The following LMNB1 variants were observed in gnomAD, a reference collection of about 807,000 sequenced individuals.
The protein encoded by LMNB1 is lamin B1.
A neutral mutation model predicts 67.1 loss-of-function variants in LMNB1; 23 were observed. The ratio of observed to expected loss-of-function variants is 0.34; its 90% confidence interval spans 0.25 to 0.49. The LOEUF (loss-of-function observed/expected upper bound fraction) is 0.49, where lower values mean the gene tolerates loss of function less well. Ranked by LOEUF, LMNB1 falls within the 20% of genes least tolerant of loss-of-function variation. The pLI is 0.99. For missense variants in LMNB1, 634 were observed against 746.5 expected, an observed-to-expected ratio of 0.85 and a Z score of 1.76; for synonymous variants, 281 against 282.9, an observed-to-expected ratio of 0.99 and a Z score of 0.07.
At chr5:126,804,238 C>CTTTTTTTTTT (rs61232506) in intron 1 of LMNB1, among the ~76,000 whole-genome samples, 4 of 101,154 alleles carry the variant, frequency 4.0e-5, no homozygotes, top group Non-Finnish European at 5.7e-5. Flanking sequence ...GTGCCAGGCT[C>CTTTTTTTTTT]TTTTTTTTTT....
At chr5:126,806,781 ATT>A (rs34847891) in intron 3 of LMNB1, among the ~76,000 whole-genome samples, 1 of 147,934 alleles carries the variant, frequency 6.8e-6, no homozygotes, top group Non-Finnish European at 1.5e-5. Context: ...AGGCGTGTAA[ATT>A]TTTTTTTTTT....
chr5:126,790,688 T>C (rs1750931156), intron 1 of LMNB1, among the ~76,000 whole-genome samples: 1 of 152,122 alleles, frequency 6.6e-6, no homozygotes, highest in Admixed American at 6.5e-5. Context: ...TTGGGTACCT[T>C]GTGTTTTTCT....
At chr5:126,835,120 A>G (rs1288989602) in intron 10 of LMNB1, among the ~76,000 whole-genome samples, 2 of 152,220 alleles carry the variant, frequency 1.3e-5, no homozygotes, top group East Asian at 1.9e-4. Context: ...GAGGGAATAT[A>G]TAATGGAAAT....
In LMNB1 at chr5:126,795,130, C is replaced by CTTTT. The variant is rs55837872; in HGVS notation, c.360-9634_360-9631dup. Among the ~76,000 whole-genome samples, 109 of 128,928 alleles carry CTTTT rather than the reference C, an allele frequency of 8.5e-4. 9 individuals carry two copies. Among genetic ancestry groups the CTTTT allele is most frequent in the Non-Finnish European group, 1.4e-3 (85 of 62,894 alleles). The allele number at this position is 128,928 out of a possible 152,430, so 84.6% of individuals were successfully genotyped here. A position where few individuals can be genotyped will look rare whatever the true frequency, so the allele number is the denominator to read the frequency against. The stretch of plus-strand genomic sequence containing the variant: ...GGAATATGCTAACTAATTCCTTTTC[C>CTTTT]TTTTTTTTTTTTTTTAAATAAGGAT... On this transcript the variant is annotated intron_variant, in intron 1 of 10. Coordinates refer to ENST00000261366, the MANE Select transcript of LMNB1 (RefSeq NM_005573.4).
At chr5:126,821,617 A>G (rs1404801131) in intron 7 of LMNB1, among the ~76,000 whole-genome samples, 1 of 152,254 alleles carries the variant, frequency 6.6e-6, no homozygotes, top group Non-Finnish European at 1.5e-5. Context: ...TACATGAAAA[A>G]TAGCATGAAG....
chr5:126,778,043 G>A (rs1331979101), intron 1 of LMNB1, among the ~76,000 whole-genome samples, 176 bp downstream of exon 1: 1 of 152,228 alleles, frequency 6.6e-6, no homozygotes. Flanking sequence ...TCATAGCGGA[G>A]CAGGGGTCGC....
chr5:126,777,316 C>T lies in LMNB1; in HGVS notation c.-193C>T, dbSNP rs993477252. On this transcript the variant is annotated 5_prime_UTR_variant, in exon 1 of 11. Transcript: ENST00000261366. ...TCGATTGATTCGTAGTTCCCCCCCG[C>T]GCGCCTTTGCCCTTTGTGCTGTAAT... 7 of 436,374 alleles carry T rather than the reference C, an allele frequency of 1.6e-5. No homozygotes were observed. The highest frequency in any genetic ancestry group is 1.2e-4 in the African/African-American group (6 of 48,688). 27.0% of individuals were successfully genotyped at this position (436,374 alleles called of 1,614,324 possible).
Position 126,820,954 on chromosome 5 carries a change from G to A in LMNB1, c.1205G>A (p.Arg402Gln), listed in dbSNP as rs749505183. 33 of 1,613,612 alleles carry A rather than the reference G, an allele frequency of 2.0e-5. No homozygotes were observed. Among genetic ancestry groups the A allele is most frequent in the Non-Finnish European group, 2.5e-5 (29 of 1,179,978 alleles). ...PSPSSRVTVS[R>Q]ASSSRSVRTT... ...CCTTCTTCCCGTGTGACAGTATCCC[G>A]AGCATCCTCAAGTCGTAGTGTACGT... is the stretch of plus-strand genomic sequence containing the variant. The change falls in exon 7 of 11, where the codon CGA (arginine) becomes CAA (glutamine). Residue 402 changes from arginine (R) to glutamine (Q), a missense_variant. By Grantham distance (43) the Arg-to-Gln change is conservative. Transcript: ENST00000261366.
chr5:126,792,908 T>C (rs1750998245), intron 1 of LMNB1, among the ~76,000 whole-genome samples: 1 of 152,074 alleles, frequency 6.6e-6, no homozygotes, highest in South Asian at 2.1e-4. Flanking sequence ...AGGGAAACAA[T>C]ATGAGATGTA....
At chr5:126,778,242 C>G (rs945051828) in intron 1 of LMNB1, among the ~76,000 whole-genome samples, 8 of 151,930 alleles carry the variant, frequency 5.3e-5, no homozygotes, top group African/African-American at 9.6e-5. Context: ...GGAGCGCGAG[C>G]GCGCGCTCGC....
intron 1 of LMNB1, among the ~76,000 whole-genome samples, chr5:126,792,764 C>T (rs1242363543): frequency 4.6e-5 from 7 of 151,328 alleles, no homozygotes; most frequent in African/African-American, 1.2e-4. Context: ...TTAGTAGAGA[C>T]GGGGTTTCTC....
At chr5:126,805,770 A>ATT in intron 3 of LMNB1, 74 bp downstream of exon 3, 2 of 1,023,288 alleles carry the variant, frequency 2.0e-6, no homozygotes, top group Non-Finnish European at 2.8e-6. Flanking sequence ...TAAACATGTA[A>ATT]TTATATTTTA....
In LMNB1 at chr5:126,811,567, T is replaced by C. The variant is rs1751577707; in HGVS notation, c.814-206T>C. On this transcript the variant is annotated intron_variant, in intron 4 of 10. Coordinates refer to ENST00000261366, the MANE Select transcript of LMNB1 (RefSeq NM_005573.4). ...AAAGGCCTAGGTATATTAGCATTCT[T>C]AAAGCTCATTATTTAGGAAGTGACT... is the stretch of plus-strand genomic sequence containing the variant. The C allele has an allele frequency of 5.1e-6, 2 of 391,102 alleles. 1 individual carries two copies. 24.2% of individuals were successfully genotyped at this position (391,102 alleles called of 1,614,324 possible). A position where few individuals can be genotyped will look rare whatever the true frequency, so the allele number is the denominator to read the frequency against.
At chr5:126,800,982 A>ATATATATAATTTTTTTTTTTTTTT in intron 1 of LMNB1, among the ~76,000 whole-genome samples, 1 of 18,632 alleles carries the variant, frequency 5.4e-5, no homozygotes, top group Non-Finnish European at 1.0e-4. Flanking sequence ...TATATATATA[A>ATATATATAATTTTTTTTTTTTTTT]TTTTTTTTTT....
chr5:126,797,427 C>A (rs1751132857), intron 1 of LMNB1, among the ~76,000 whole-genome samples: 1 of 152,136 alleles, frequency 6.6e-6, no homozygotes, highest in Non-Finnish European at 1.5e-5. Context: ...GTGGATAACA[C>A]AACAAATCCA....
intron 9 of LMNB1, among the ~76,000 whole-genome samples, chr5:126,830,834 T>A (rs186624066): frequency 1.2e-4 from 19 of 152,372 alleles, no homozygotes; most frequent in African/African-American, 4.6e-4. Context: ...TAAGAATTTA[T>A]TTTTCTGCTT....
chr5:126,803,806 C>T (rs575313685), intron 1 of LMNB1, among the ~76,000 whole-genome samples: 20 of 152,282 alleles, frequency 1.3e-4, no homozygotes, highest in African/African-American at 4.6e-4. Flanking sequence ...CAGCCTTGGC[C>T]TTCCAAAGTG....
chr5:126,833,970 G>T (rs1752192093), intron 10 of LMNB1, among the ~76,000 whole-genome samples: 1 of 152,186 alleles, frequency 6.6e-6, no homozygotes, highest in African/African-American at 2.4e-5. Context: ...TTAAAACAGT[G>T]ATTTCTTACT....
In LMNB1 at chr5:126,836,942, G is replaced by A. The variant is rs1580563658; in HGVS notation, c.*678G>A. ...AGGGTTTCTCTATTAAAATGCATTC[G>A]TTGTGTTTTTTAAGATAGTGTAACT... is the stretch of plus-strand genomic sequence containing the variant. On this transcript the variant is annotated 3_prime_UTR_variant, in exon 11 of 11. Coordinates refer to ENST00000261366, the MANE Select transcript of LMNB1 (RefSeq NM_005573.4). The A allele has an allele frequency of 2.5e-6, 1 of 397,992 alleles. No individual in the cohort carries two copies. The highest frequency in any genetic ancestry group is 4.4e-6 in the Non-Finnish European group (1 of 225,812). 24.7% of individuals were successfully genotyped at this position (397,992 alleles called of 1,614,324 possible). A position where few individuals can be genotyped will look rare whatever the true frequency, so the allele number is the denominator to read the frequency against.
Sources: allele counts gnomAD v4.1 joint callset (sites outside exome capture counted in the v4.1 genomes callset), GRCh38; gene constraint gnomAD v4.1.1; transcripts MANE v1.5; gene names NCBI Gene and HGNC (gene_info 2026-07-23, HGNC 2026-07-21).